Variants in NAV2 observed in about 807,000 individuals in gnomAD.
NAV2 encodes helicase, APC down-regulated 1.
Under a neutral mutation model 223.2 loss-of-function variants are expected in NAV2, and 54 were observed. That is an observed-to-expected ratio of 0.24 (90% confidence interval 0.19 to 0.30). The LOEUF (loss-of-function observed/expected upper bound fraction) is 0.30, where lower values mean the gene tolerates loss of function less well. NAV2 is among the 10% of genes least tolerant of loss of function. The pLI is 1.00. For missense variants in NAV2, 2,806 were observed against 3,147.5 expected (o/e 0.89, Z 2.60); for synonymous variants, 1,279 against 1,239.3 (o/e 1.03, Z -0.67).
chr11:19,644,918 T>C (rs1206442789), intron 1 of NAV2, among the ~76,000 whole-genome samples: 1 of 152,220 alleles, frequency 6.6e-6, no homozygotes, highest in East Asian at 1.9e-4. Context: ...AGTTGCTTGG[T>C]TGTGGTTGCC....
At chr11:19,972,889 C>T (rs2049372738) in intron 10 of NAV2, among the ~76,000 whole-genome samples, 1 of 152,166 alleles carries the variant, frequency 6.6e-6, no homozygotes, top group Non-Finnish European at 1.5e-5. Flanking sequence ...AATGCCACCA[C>T]CTTAAACATA....
chr11:19,503,390 T>G (rs1377504595), intron 1 of NAV2: 1 of 152,202 alleles, frequency 6.6e-6, no homozygotes, highest in Non-Finnish European at 1.5e-5. Flanking sequence ...ATGATAAGTA[T>G]CCACCATTAT....
intron 1 of NAV2, among the ~76,000 whole-genome samples, chr11:19,745,602 G>A (rs2053269411): frequency 1.3e-5 from 2 of 151,986 alleles, no homozygotes; most frequent in Admixed American, 1.3e-4. Context: ...CAGCCTTTCT[G>A]GCACCAAAGA....
chr11:19,352,136 T>C (rs1210145141), intron 1 of NAV2, among the ~76,000 whole-genome samples: 4 of 152,178 alleles, frequency 2.6e-5, no homozygotes, highest in Non-Finnish European at 5.9e-5. Flanking sequence ...GTCGCTATAA[T>C]TTGGGAAGAA....
chr11:19,712,373 A>C (rs950099652), upstream of NAV2: 10 of 152,292 alleles, frequency 6.6e-5, no homozygotes, highest in Non-Finnish European at 1.5e-5. Context: ...CTGGAAGAGC[A>C]GGCAGAGAAA....
chr11:19,561,837 G>A (rs2045109338), intron 1 of NAV2, among the ~76,000 whole-genome samples: 1 of 152,234 alleles, frequency 6.6e-6, no homozygotes, highest in Admixed American at 6.5e-5. Context: ...GTCTGGCTCA[G>A]TTACGGTTGC....
intron 1 of NAV2, chr11:19,575,402 C>T (rs566978313): frequency 1.9e-5 from 3 of 154,384 alleles, no homozygotes; most frequent in South Asian, 4.1e-4. Context: ...TCCTTCTAAG[C>T]CTGGGCTCCT....
chr11:19,598,914 G>C (rs1371751587), intron 1 of NAV2, among the ~76,000 whole-genome samples: 1 of 152,132 alleles, frequency 6.6e-6, no homozygotes, highest in African/African-American at 2.4e-5. Context: ...GGTGATCCTT[G>C]TGTTGATTTT....
At chr11:20,081,832 C>G (rs1005182868) in intron 25 of NAV2, among the ~76,000 whole-genome samples, 3 of 152,148 alleles carry the variant, frequency 2.0e-5, no homozygotes, top group African/African-American at 7.2e-5. Flanking sequence ...AAGGAAATTA[C>G]TTTTAAAAGG....
At chr11:19,824,149 C>A (rs572183978) in intron 1 of NAV2, among the ~76,000 whole-genome samples, 5 of 152,182 alleles carry the variant, frequency 3.3e-5, no homozygotes, top group South Asian at 4.2e-4. Context: ...CTGTGTTAAC[C>A]ACTTATATGA....
At chr11:19,991,102 G>A (rs1450381201) in intron 11 of NAV2, among the ~76,000 whole-genome samples, 1 of 152,136 alleles carries the variant, frequency 6.6e-6, no homozygotes, top group Non-Finnish European at 1.5e-5. Flanking sequence ...GTGTTTTTGC[G>A]AAGCACCTAA....
intron 1 of NAV2, among the ~76,000 whole-genome samples, chr11:19,693,611 T>C (rs2049246853): frequency 6.6e-6 from 1 of 152,254 alleles, no homozygotes; most frequent in Admixed American, 6.5e-5. Flanking sequence ...CTTTTCCACT[T>C]GACAAACACT....
chr11:19,672,983 T>C lies in NAV2; in HGVS notation c.76-159501T>C, dbSNP rs1439781485. 2.6e-5 allele frequency among the ~76,000 whole-genome samples: 4 copies of C among 152,338 alleles called. No individual in the cohort carries two copies. The East Asian group carries it at 7.7e-4, about 29-fold the overall frequency. ...TCTTCAAAAGGAATTTGAGACAGGT[T>C]GTAACAAGTTACATGGATACAACAT... is the stretch of plus-strand genomic sequence containing the variant. On this transcript the variant is annotated intron_variant, in intron 1 of 37. Coordinates refer to the NAV2 transcript ENST00000360655.
intron 1 of NAV2, among the ~76,000 whole-genome samples, chr11:19,643,770 C>T (rs1305497344): frequency 6.6e-6 from 1 of 152,212 alleles, no homozygotes; most frequent in Non-Finnish European, 1.5e-5. Context: ...AACTAGTTTA[C>T]AGTCCCACCA....
intron 1 of NAV2, among the ~76,000 whole-genome samples, chr11:19,447,523 A>G (rs537672119): frequency 1.3e-5 from 2 of 152,278 alleles, no homozygotes; most frequent in East Asian, 3.9e-4. Flanking sequence ...TTCCCACCTC[A>G]CAGAGGTTTG....
chr11:19,599,037 G>T (rs1310869238), intron 1 of NAV2, among the ~76,000 whole-genome samples: 1 of 152,182 alleles, frequency 6.6e-6, no homozygotes, highest in East Asian at 1.9e-4. Context: ...AATGGCAGGG[G>T]CACTTCTGAG....
intron 1 of NAV2, among the ~76,000 whole-genome samples, chr11:19,589,223 A>G (rs780192437): frequency 6.6e-6 from 1 of 152,226 alleles, no homozygotes; most frequent in Non-Finnish European, 1.5e-5. Context: ...TCAGGAAGAC[A>G]AAAAAACAAA....
At chr11:19,640,127 G>A (rs1474523650) in intron 1 of NAV2, among the ~76,000 whole-genome samples, 1 of 152,180 alleles carries the variant, frequency 6.6e-6, no homozygotes, top group African/African-American at 2.4e-5. Context: ...ATGTTTCAGG[G>A]CAAAGTGGGG....
chr11:19,369,065 C>T (rs781647312), intron 1 of NAV2, among the ~76,000 whole-genome samples: 6 of 152,154 alleles, frequency 3.9e-5, no homozygotes, highest in Non-Finnish European at 7.3e-5. Context: ...CAGATTGTAA[C>T]GCACATCTAA....
Sources: allele counts gnomAD v4.1 joint callset (sites outside exome capture counted in the v4.1 genomes callset), GRCh38; gene constraint gnomAD v4.1.1; transcripts MANE v1.5; gene names NCBI Gene and HGNC (gene_info 2026-07-23, HGNC 2026-07-21).